NSUN3: variants seen among roughly 807,000 people sequenced by gnomAD.
NSUN3 encodes the protein NOP2/Sun RNA methyltransferase 3, also known as tRNA (cytosine(34)-C(5))-methyltransferase, mitochondrial.
A neutral mutation model predicts 36.8 loss-of-function variants in NSUN3; 24 were observed. The observed-to-expected ratio is 0.65, with a 90% CI of 0.47 to 0.92. The LOEUF (loss-of-function observed/expected upper bound fraction) is 0.92. Ranked by LOEUF, NSUN3 falls within the 40% of genes least tolerant of loss-of-function variation. NSUN3 has a pLI of 0.00. For missense variants in NSUN3, 381 were observed against 392.8 expected (o/e 0.97, Z 0.25); for synonymous variants, 146 against 145.2 (o/e 1.01, Z -0.04).
intron 5 of NSUN3, among the ~76,000 whole-genome samples, chr3:94,111,313 A>C (rs2077416292): frequency 6.6e-6 from 1 of 152,174 alleles, no homozygotes; most frequent in African/African-American, 2.4e-5. Flanking sequence ...AGTGAATGTG[A>C]AGGCCTAGGA....
At chr3:94,075,344 T>C (rs1021262078) in intron 2 of NSUN3, among the ~76,000 whole-genome samples, 1 of 151,836 alleles carries the variant, frequency 6.6e-6, no homozygotes, top group Non-Finnish European at 1.5e-5. Flanking sequence ...AGCAAAAATA[T>C]ATGGGGAAAG....
rs1576091191 is a variant in NSUN3 at position 94,095,079 on chromosome 3, C to T, written c.668C>T (p.Ser223Phe). Residue 223 changes from serine (S) to phenylalanine (F), a missense_variant, in exon 5 of 6, where the codon TCT (serine) becomes TTT (phenylalanine). Coordinates refer to ENST00000314622, the MANE Select transcript of NSUN3 (RefSeq NM_022072.5). ...TCAAATGATCGAAGCTGGTTGTTTT[C>T]TTCTGACTCTCAGAAGGCATCCTGT... The part of the protein sequence containing the change: ...PCSNDRSWLF[S>F]SDSQKASCRI... 1.9e-6 allele frequency: 3 copies of T among 1,613,910 alleles called. No individual in the cohort carries two copies. Among genetic ancestry groups the T allele is most frequent in the Non-Finnish European group, 1.7e-6 (2 of 1,179,908 alleles).
At chr3:94,116,754 T>C (rs114691451) in intron 5 of NSUN3, among the ~76,000 whole-genome samples, 2,090 of 152,262 alleles carry the variant, frequency 0.014, 47 homozygotes, top group African/African-American at 0.047. Flanking sequence ...GCAGATGTGT[T>C]TCAGAATTCA....
intron 5 of NSUN3, among the ~76,000 whole-genome samples, chr3:94,123,821 G>A (rs1240994831): frequency 6.6e-6 from 1 of 151,970 alleles, no homozygotes; most frequent in Non-Finnish European, 1.5e-5. Flanking sequence ...TTGTTCAAAT[G>A]TCACTTTCTG....
In NSUN3 at chr3:94,129,506, G is replaced by A. The variant is rs2077501100; in HGVS notation, c.*3016G>A. ...GTGACTACTAGAGTGGGGAGGGGAG[G>A]AGGGGGATGTAGGCTGAAAAACTAC... is the stretch of plus-strand genomic sequence containing the variant. On this transcript the variant is annotated 3_prime_UTR_variant, in exon 6 of 6. Transcript: ENST00000314622. Among the ~76,000 whole-genome samples, 1 of 152,016 alleles carries A rather than the reference G, an allele frequency of 6.6e-6. No homozygotes were observed. The highest frequency in any genetic ancestry group is 2.4e-5 in the African/African-American group (1 of 41,386).
intron 1 of NSUN3, 55 bp from the exon 2 acceptor site, chr3:94,064,381 CG>C (rs1156485930): frequency 4.9e-6 from 5 of 1,018,638 alleles, no homozygotes; most frequent in Admixed American, 1.8e-5. Flanking sequence ...CTAATGTTGA[CG>C]TTCAGTAAAT....
intron 3 of NSUN3, among the ~76,000 whole-genome samples, chr3:94,088,507 G>A (rs1241502441): frequency 1.3e-5 from 2 of 151,982 alleles, no homozygotes; most frequent in Non-Finnish European, 2.9e-5. Context: ...TCTGAGACAA[G>A]GAGAAGTACC....
At position 94,084,207 on chromosome 3, in the gene NSUN3, C is replaced by G; in HGVS notation, c.223C>G (p.His75Asp). 6.2e-7 allele frequency: 1 copy of G among 1,614,064 alleles called. No individual in the cohort carries two copies. The highest frequency in any genetic ancestry group is 8.5e-7 in the Non-Finnish European group (1 of 1,179,916). ...LEKDLHLKGYHTLSQGSLPNY... is the reference protein window; with the variant it reads ...LEKDLHLKGYDTLSQGSLPNY... Reference sequence around the variant, plus strand: ...AAAGGATTTACATTTGAAGGGCTATCACACACTCTCTCAGGGATCTTTACC... The same window carrying G: ...AAAGGATTTACATTTGAAGGGCTATGACACACTCTCTCAGGGATCTTTACC... The change falls in exon 3 of 6, where the codon CAC (histidine) becomes GAC (aspartate). Residue 75 changes from histidine (H) to aspartate (D), a missense_variant. His to Asp is a moderately conservative substitution (Grantham distance 81, BLOSUM62 -1). Transcript: ENST00000314622.
intron 5 of NSUN3, among the ~76,000 whole-genome samples, chr3:94,122,003 G>C (rs928595184): frequency 1.3e-5 from 2 of 152,006 alleles, no homozygotes; most frequent in African/African-American, 4.8e-5. Flanking sequence ...AAATTAGCCA[G>C]GCGTGGTGGC....
intron 4 of NSUN3, among the ~76,000 whole-genome samples, chr3:94,094,768 G>A (rs62265491): frequency 1.3e-3 from 194 of 152,240 alleles, no homozygotes; most frequent in Non-Finnish European, 2.3e-3. Flanking sequence ...ATATCAAATA[G>A]CATTAGTAGA....
rs991991500 is a variant in NSUN3 at position 94,126,404 on chromosome 3, C to G, written c.937C>G (p.Leu313Val). ...TGCTCCCACTGGCCAGGAATGTGGG[C>G]TCTTAGTGATTCCAGATAAGGGCAA... Reference protein sequence around the residue: ...TFAPTGQECGLLVIPDKGKAW... With the variant: ...TFAPTGQECGVLVIPDKGKAW... The change falls in exon 6 of 6, where the codon CTC becomes GTC. Residue 313 changes from leucine (L) to valine (V), a missense_variant. Leu to Val is a conservative substitution (Grantham distance 32). Coordinates refer to ENST00000314622, the MANE Select transcript of NSUN3 (RefSeq NM_022072.5). The G allele has an allele frequency of 6.2e-7, 1 of 1,614,034 alleles. No homozygotes were observed. Among genetic ancestry groups the G allele is most frequent in the Admixed American group, 1.7e-5 (1 of 60,002 alleles).
chr3:94,090,300 C>A (rs2077309225), intron 3 of NSUN3, among the ~76,000 whole-genome samples: 1 of 152,042 alleles, frequency 6.6e-6, no homozygotes, highest in Admixed American at 6.6e-5. Flanking sequence ...CATTGTGACA[C>A]TTTATATTTC....
chr3:94,066,227 C>G (rs2077203790), intron 2 of NSUN3, among the ~76,000 whole-genome samples: 2 of 152,112 alleles, frequency 1.3e-5, no homozygotes. Flanking sequence ...ATTTAATTAG[C>G]TGTGCCTTCT....
intron 2 of NSUN3, chr3:94,076,023 A>C (rs1429837373): frequency 2.5e-6 from 4 of 1,608,530 alleles, no homozygotes; most frequent in Non-Finnish European, 3.4e-6. Flanking sequence ...CAAATCACCC[A>C]AGGTTCATTG....
At chr3:94,080,373 G>A (rs2077262430) in intron 2 of NSUN3, among the ~76,000 whole-genome samples, 1 of 152,146 alleles carries the variant, frequency 6.6e-6, no homozygotes. Context: ...GTCCCAGTCA[G>A]GATACACAGC....
rs1161530879 is a variant in NSUN3, at chr3:94,092,919, C to CAAAAAAAAAAAA, written c.467-1206_467-1195dup. Among the ~76,000 whole-genome samples the CAAAAAAAAAAAA allele has an allele frequency of 4.5e-4, 11 of 24,622 alleles. 1 individual carries two copies. Among genetic ancestry groups the CAAAAAAAAAAAA allele is most frequent in the Non-Finnish European group, 6.8e-4 (10 of 14,792 alleles). 16.2% of individuals were successfully genotyped at this position (24,622 alleles called of 152,430 possible). Reference sequence around the variant, plus strand: ...TGGGCAACAGAGCGAGACTGCATCTCAAAAAAAAAAAAAAAAAAAAAAAAA... The same window carrying CAAAAAAAAAAAA: ...TGGGCAACAGAGCGAGACTGCATCTCAAAAAAAAAAAAAAAAAAAAAAAAAAAAAAAAAAAAA... On this transcript the variant is annotated intron_variant, in intron 3 of 5. Transcript: ENST00000314622.
intron 3 of NSUN3, 50 bp downstream of exon 3, chr3:94,084,500 T>G: frequency 7.3e-7 from 1 of 1,361,902 alleles, no homozygotes; most frequent in Non-Finnish European, 1.0e-6. Flanking sequence ...ATCTGTATGT[T>G]ATAGAGAATT....
intron 5 of NSUN3, among the ~76,000 whole-genome samples, chr3:94,108,237 C>G (rs150896637): frequency 0.021 from 3,122 of 152,224 alleles, 64 homozygotes; most frequent in Middle Eastern, 0.038. Flanking sequence ...TTCTGTGATA[C>G]ATGTGCAGAA....
At chr3:94,086,293 G>C (rs902744459) in intron 3 of NSUN3, among the ~76,000 whole-genome samples, 5 of 152,146 alleles carry the variant, frequency 3.3e-5, no homozygotes, top group African/African-American at 1.2e-4. Context: ...TGATGTTCTG[G>C]AGGTTTCGAT....
Sources: allele counts gnomAD v4.1 joint callset (sites outside exome capture counted in the v4.1 genomes callset), GRCh38; gene constraint gnomAD v4.1.1; transcripts MANE v1.5; gene names NCBI Gene and HGNC (gene_info 2026-07-23, HGNC 2026-07-21).